PDLIM5: variants seen among roughly 807,000 people sequenced by gnomAD.
PDLIM5 encodes the protein PDZ and LIM domain protein 5.
PDLIM5 carries 34 observed loss-of-function variants against 64.2 expected under a neutral mutation model. The ratio of observed to expected loss-of-function variants is 0.53; its 90% CI spans 0.40 to 0.71. PDLIM5 has a LOEUF of 0.71. Among genes scored for constraint, PDLIM5 ranks in the 30% least tolerant of loss-of-function variants. The pLI, the probability that PDLIM5 is intolerant of heterozygous loss-of-function variation, is 0.00. For synonymous variants in PDLIM5, 253 were observed against 269.1 expected (o/e 0.94, Z 0.59); for missense variants, 683 against 733.6 (o/e 0.93, Z 0.80).
chr4:94,557,919 C>T (rs1354112254), intron 3 of PDLIM5, among the ~76,000 whole-genome samples: 1 of 152,096 alleles, frequency 6.6e-6, no homozygotes, highest in Non-Finnish European at 1.5e-5. Flanking sequence ...GCCTGATTGC[C>T]CTGGCCAGAA....
intron 1 of PDLIM5, 32 bp downstream of exon 1, chr4:94,452,027 C>G (rs1215968319): frequency 6.6e-6 from 1 of 152,292 alleles, no homozygotes; most frequent in African/African-American, 2.4e-5. Context: ...ATGCGCCTCT[C>G]GGATCTCCGG....
chr4:94,579,359 G>A, intron 5 of PDLIM5: 1 of 400,056 alleles, frequency 2.5e-6, no homozygotes, highest in Non-Finnish European at 4.6e-6. Context: ...ATGTGCCACT[G>A]CTTTCAAGAG....
At chr4:94,591,199 A>C (rs1475015408) in intron 7 of PDLIM5, among the ~76,000 whole-genome samples, 1 of 152,236 alleles carries the variant, frequency 6.6e-6, no homozygotes, top group Non-Finnish European at 1.5e-5. Context: ...TTGTCTGGAC[A>C]CTTTGCTTTT....
intron 5 of PDLIM5, chr4:94,584,542 A>G (rs1473398904): frequency 1.3e-5 from 2 of 157,402 alleles, no homozygotes; most frequent in African/African-American, 4.8e-5. Context: ...TATATATTTC[A>G]GTAGTTGCTA....
chr4:94,465,967 C>G (rs1356099825), intron 2 of PDLIM5, among the ~76,000 whole-genome samples: 2 of 149,346 alleles, frequency 1.3e-5, no homozygotes, highest in Non-Finnish European at 3.0e-5. Flanking sequence ...TTTTTTTTTT[C>G]CCCTTTGTTT....
At chr4:94,635,657 T>C (rs1740499925) in intron 8 of PDLIM5, among the ~76,000 whole-genome samples, 1 of 152,004 alleles carries the variant, frequency 6.6e-6, no homozygotes, top group South Asian at 2.1e-4. Context: ...AAAATTATAA[T>C]GGAAGCAGGG....
chr4:94,566,319 A>T (rs1734313249), intron 3 of PDLIM5, among the ~76,000 whole-genome samples: 1 of 152,182 alleles, frequency 6.6e-6, no homozygotes, highest in South Asian at 2.1e-4. Flanking sequence ...AAGTGAAATT[A>T]TTGGCATTTG....
intron 7 of PDLIM5, among the ~76,000 whole-genome samples, chr4:94,616,722 ACT>A (rs1483551980): frequency 6.6e-6 from 1 of 152,210 alleles, no homozygotes; most frequent in Non-Finnish European, 1.5e-5. Flanking sequence ...TTTAAGTTAA[ACT>A]GATCAAAAAT....
At chr4:94,550,893 TG>T (rs936415948) in intron 3 of PDLIM5, among the ~76,000 whole-genome samples, 11 of 152,140 alleles carry the variant, frequency 7.2e-5, no homozygotes, top group African/African-American at 1.9e-4. Flanking sequence ...TCACCTAAAC[TG>T]GGGTTGAGGT....
intron 2 of PDLIM5, among the ~76,000 whole-genome samples, chr4:94,492,582 G>C (rs1163736141): frequency 6.6e-6 from 1 of 152,040 alleles, no homozygotes; most frequent in Non-Finnish European, 1.5e-5. Flanking sequence ...TCTGTTTTCT[G>C]TCTTTACGGA....
rs942890921 is a variant in PDLIM5 at position 94,649,698 on chromosome 4, G to A, written c.1284-4762G>A. 2.2e-4 allele frequency among the ~76,000 whole-genome samples: 34 copies of A among 152,218 alleles called. 2 individuals are homozygous for A. Among genetic ancestry groups the A allele is most frequent in the Admixed American group, 2.2e-3 (33 of 15,294 alleles). ...TTGATAGATGAACTTTTAAATATTT[G>A]TAGAATGTATATTAGTGTTGCCAAA... is the stretch of plus-strand genomic sequence containing the variant. On this transcript the variant is annotated intron_variant, in intron 9 of 12. Coordinates refer to ENST00000317968, the MANE Select transcript of PDLIM5 (RefSeq NM_006457.5).
chr4:94,653,107 A>G (rs868705797), intron 9 of PDLIM5, among the ~76,000 whole-genome samples: 10 of 152,110 alleles, frequency 6.6e-5, no homozygotes, highest in Non-Finnish European at 1.0e-4. Context: ...CTTACCAACA[A>G]TTACCATGTG....
chr4:94,579,843 T>TA (rs1735595252), intron 5 of PDLIM5, among the ~76,000 whole-genome samples: 2 of 152,122 alleles, frequency 1.3e-5, no homozygotes, highest in Admixed American at 6.6e-5. Flanking sequence ...AACACAAAGA[T>TA]AGAAGAGAAA....
At chr4:94,597,523 C>T (rs1737160651) in intron 7 of PDLIM5, among the ~76,000 whole-genome samples, 2 of 152,064 alleles carry the variant, frequency 1.3e-5, no homozygotes, top group South Asian at 4.1e-4. Flanking sequence ...AATAAATGCT[C>T]TGTGTTGAAA....
intron 2 of PDLIM5, among the ~76,000 whole-genome samples, chr4:94,463,491 G>T (rs893616653): frequency 6.6e-6 from 1 of 152,228 alleles, no homozygotes; most frequent in South Asian, 2.1e-4. Context: ...TTCATTAAGT[G>T]GAAGGGAGTC....
chr4:94,498,630 A>G (rs1008500456), intron 2 of PDLIM5, among the ~76,000 whole-genome samples: 1 of 152,214 alleles, frequency 6.6e-6, no homozygotes, highest in Non-Finnish European at 1.5e-5. Context: ...CTGTATTGCC[A>G]TTTCCCATTG....
chr4:94,595,769 A>G (rs1037885201), intron 7 of PDLIM5, among the ~76,000 whole-genome samples: 1 of 152,202 alleles, frequency 6.6e-6, no homozygotes, highest in Admixed American at 6.5e-5. Context: ...TTAGTTGAGT[A>G]TATTACCTAA....
intron 2 of PDLIM5, among the ~76,000 whole-genome samples, chr4:94,472,825 C>T (rs1456974752): frequency 1.3e-5 from 2 of 152,126 alleles, no homozygotes; most frequent in Non-Finnish European, 2.9e-5. Context: ...TATTATTGCT[C>T]ACTCCATTGA....
At chr4:94,509,845 G>A (rs1004709511) in intron 2 of PDLIM5, among the ~76,000 whole-genome samples, 3 of 149,412 alleles carry the variant, frequency 2.0e-5, no homozygotes, top group Admixed American at 6.7e-5. Context: ...CTGATTAGAT[G>A]GTGCCCACCT....
Sources: allele counts gnomAD v4.1 joint callset (sites outside exome capture counted in the v4.1 genomes callset), GRCh38; gene constraint gnomAD v4.1.1; transcripts MANE v1.5; gene names NCBI Gene and HGNC (gene_info 2026-07-23, HGNC 2026-07-21).